TECTA: variants seen among roughly 807,000 people sequenced by gnomAD.
TECTA encodes the protein alpha-tectorin.
In TECTA, 128 loss-of-function variants were observed where a neutral mutation model predicts 216.8. The ratio of observed to expected loss-of-function variants is 0.59; its 90% confidence interval spans 0.51 to 0.68. The LOEUF is 0.68. TECTA is among the 30% of genes least tolerant of loss of function. The pLI is 0.00. For missense variants in TECTA, 2,551 were observed against 2,786.2 expected, an observed-to-expected ratio of 0.92 and a Z score of 1.90; for synonymous variants, 1,089 against 1,117.1, an observed-to-expected ratio of 0.97 and a Z score of 0.50.
chr11:121,173,237 T>C (rs1947130886), intron 20 of TECTA, among the ~76,000 whole-genome samples: 1 of 150,806 alleles, frequency 6.6e-6, no homozygotes, highest in Non-Finnish European at 1.5e-5. Flanking sequence ...CCATTGCTTT[T>C]GGTGTTTTAG....
At chr11:121,139,683 C>T (rs1419689640) in intron 11 of TECTA, among the ~76,000 whole-genome samples, 1 of 130,334 alleles carries the variant, frequency 7.7e-6, no homozygotes, top group Non-Finnish European at 1.5e-5. Flanking sequence ...GAGCAAGACT[C>T]TGTCTCAAAA....
chr11:121,119,707 T>A (rs1042267479), intron 7 of TECTA, among the ~76,000 whole-genome samples: 1 of 152,172 alleles, frequency 6.6e-6, no homozygotes, highest in East Asian at 1.9e-4. Flanking sequence ...ATTTCTTTTT[T>A]AAAAAAATGT....
rs926068903 is a variant in TECTA at position 121,113,048 on chromosome 11, A to G, written c.487-24A>G. On this transcript the variant is annotated intron_variant, in intron 4 of 23. Transcript: ENST00000392793. This position sits in a 1 kb window ranked among gnomAD's most constrained non-coding sequence, Gnocchi z 4.2. ...GACCTCCTGGGGAGTGCAAGTCATG[A>G]GACTGCGCATTCCCATCCTGTAGGT... is the stretch of plus-strand genomic sequence containing the variant. The G allele has an allele frequency of 1.3e-5, 21 of 1,613,806 alleles. No individual in the cohort carries two copies. The highest frequency in any genetic ancestry group is 2.7e-5 in the African/African-American group (2 of 74,946).
In TECTA at chr11:121,128,165, G is replaced by A; in HGVS notation, c.2188G>A (p.Ala730Thr). ...VLHTFDGASYAFPSEFSYTLL... is the reference protein window; with the variant it reads ...VLHTFDGASYTFPSEFSYTLL... ...GCACACCTTTGACGGCGCCTCCTAC[G>A]CCTTCCCCTCCGAGTTCTCCTACAC... Residue 730 changes from alanine to threonine, a missense_variant, in exon 9 of 24, where the codon GCC becomes ACC. By Grantham distance (58) the Ala-to-Thr change is moderately conservative. Coordinates refer to ENST00000392793, the MANE Select transcript of TECTA (RefSeq NM_005422.4). 6.2e-7 allele frequency: 1 copy of A among 1,610,688 alleles called. No homozygotes were observed. Among genetic ancestry groups the A allele is most frequent in the Non-Finnish European group, 8.5e-7 (1 of 1,179,998 alleles).
At chr11:121,128,403 C>T (rs1408534017) in intron 9 of TECTA, 59 bp downstream of exon 9, 8 of 1,529,418 alleles carry the variant, frequency 5.2e-6, no homozygotes, top group Non-Finnish European at 3.5e-6. Context: ...AGGAGGAGCT[C>T]GCCATCCTCT....
At chr11:121,129,504 T>C in intron 9 of TECTA, 134 bp from the exon 10 acceptor site, 2 of 874,454 alleles carry the variant, frequency 2.3e-6, no homozygotes, top group Non-Finnish European at 1.9e-6. Context: ...TTGGTATCTT[T>C]GTGGGTTCCA....
At chr11:121,157,719 C>T in intron 13 of TECTA, 122 bp from the exon 14 acceptor site, 4 of 1,440,790 alleles carry the variant, frequency 2.8e-6, no homozygotes, top group East Asian at 2.3e-5. Context: ...CTGCCTCCTA[C>T]AAATTCCAGC....
intron 12 of TECTA, among the ~76,000 whole-genome samples, 179 bp from the exon 13 acceptor site, chr11:121,152,702 G>A (rs576081833): frequency 6.6e-6 from 1 of 152,280 alleles, no homozygotes; most frequent in East Asian, 1.9e-4. Flanking sequence ...AAGCAGGAAC[G>A]AATCAGACCC....
In TECTA at chr11:121,145,549, T is replaced by TG. The variant is rs1388409805; in HGVS notation, c.3544-6_3544-5insG. ...GTGTTTCTCCACCTCATCTCTCCTC[T>TG]TACAGGTCAACAGTGAACGGCTCTA... On this transcript the variant is annotated splice_polypyrimidine_tract_variant and splice_region_variant and intron_variant, in intron 11 of 23. Transcript: ENST00000392793. 3 of 1,614,044 alleles carry TG rather than the reference T, an allele frequency of 1.9e-6. No homozygotes were observed. The highest frequency in any genetic ancestry group is 1.7e-6 in the Non-Finnish European group (2 of 1,180,010).
At chr11:121,159,632 G>A (rs942727870) in intron 14 of TECTA, among the ~76,000 whole-genome samples, 32 of 152,276 alleles carry the variant, frequency 2.1e-4, no homozygotes, top group Non-Finnish European at 3.5e-4. Context: ...AACATTATAA[G>A]CAAGAAAACG....
At chr11:121,154,164 A>G (rs1159763238) in intron 13 of TECTA, among the ~76,000 whole-genome samples, 1 of 152,226 alleles carries the variant, frequency 6.6e-6, no homozygotes, top group Non-Finnish European at 1.5e-5. Flanking sequence ...AAATAAATCT[A>G]ATTGAAATGT....
At chr11:121,121,916 TA>T (rs1219822179) in intron 7 of TECTA, among the ~76,000 whole-genome samples, 1 of 152,180 alleles carries the variant, frequency 6.6e-6, no homozygotes, top group Admixed American at 6.5e-5. Flanking sequence ...TCAGCACTCT[TA>T]CTAGCTGACC....
At position 121,164,252 on chromosome 11, in the gene TECTA, C is replaced by T. The variant is rs1947029269; in HGVS notation, c.5273-1021C>T. 1.3e-5 allele frequency among the ~76,000 whole-genome samples: 2 copies of T among 152,280 alleles called. 1 individual carries two copies. Among genetic ancestry groups the T allele is most frequent in the South Asian group, 4.2e-4 (2 of 4,818 alleles). On this transcript the variant is annotated intron_variant, in intron 16 of 23. Coordinates refer to ENST00000392793, the MANE Select transcript of TECTA (RefSeq NM_005422.4). ...AGTGTATTGGTACTAACTATAGCCA[C>T]TTTGATGTTCAGTAGATCTCTTGAA...
intron 4 of TECTA, among the ~76,000 whole-genome samples, chr11:121,111,728 G>C (rs1361129458): frequency 6.6e-6 from 1 of 152,216 alleles, no homozygotes; most frequent in East Asian, 1.9e-4. Context: ...CCTGTCCCTT[G>C]AACAAGAGCC....
intron 13 of TECTA, among the ~76,000 whole-genome samples, chr11:121,156,721 CT>C (rs1946944932): frequency 6.6e-6 from 1 of 151,930 alleles, no homozygotes; most frequent in Non-Finnish European, 1.5e-5. Flanking sequence ...TCTGAAACCC[CT>C]GGGCTCAAGC....
In TECTA at chr11:121,125,807, CCTATGCT is replaced by C; in HGVS notation, c.1712_1718del (p.Tyr571LeufsTer45). The C allele has an allele frequency of 6.2e-7, 1 of 1,613,912 alleles. No individual in the cohort carries two copies. On this transcript the variant is annotated frameshift_variant, in exon 8 of 24. Transcript: ENST00000392793. LOFTEE classifies it high-confidence loss of function. ...ACGCTCCTCTGCCAAGCCATCCAGG[CCTATGCT>C]CTTGTGTGCCAAGCCCTTGGCATTC...
intron 4 of TECTA, among the ~76,000 whole-genome samples, chr11:121,112,634 T>A (rs984778241): frequency 6.6e-6 from 1 of 152,228 alleles, no homozygotes; most frequent in African/African-American, 2.4e-5. Context: ...ATGGCCACTT[T>A]AATCACACGG....
At position 121,186,652 on chromosome 11, in the gene TECTA, A is replaced by G. The variant is rs376282490; in HGVS notation, c.6000-1180A>G. 2.0e-5 allele frequency among the ~76,000 whole-genome samples: 3 copies of G among 152,274 alleles called. No homozygotes were observed. The East Asian group carries it at 5.8e-4, about 29-fold the overall frequency. On this transcript the variant is annotated intron_variant, in intron 20 of 23. Transcript: ENST00000392793. ...GTAAGTTTTTGTTTCAAAGCACTTC[A>G]GAGGCTATTGCCTTGAAAAGCAACT...
At chr11:121,111,886 TG>T (rs1418780024) in intron 4 of TECTA, among the ~76,000 whole-genome samples, 1 of 152,164 alleles carries the variant, frequency 6.6e-6, no homozygotes, top group African/African-American at 2.4e-5. Flanking sequence ...GCACAGAGCA[TG>T]GGAAGAAAAG....
Sources: allele counts gnomAD v4.1 joint callset (sites outside exome capture counted in the v4.1 genomes callset), GRCh38; gene constraint gnomAD v4.1.1; non-coding constraint Gnocchi (gnomAD v3.1); transcripts MANE v1.5; gene names NCBI Gene and HGNC (gene_info 2026-07-23, HGNC 2026-07-21).